SYT16: variants seen among roughly 807,000 people sequenced by gnomAD.
SYT16 encodes synaptotagmin-16.
A neutral mutation model predicts 61.4 loss-of-function variants in SYT16; 42 were observed. The observed-to-expected ratio is 0.68, with a 90% confidence interval of 0.53 to 0.89. The LOEUF (loss-of-function observed/expected upper bound fraction) is 0.89. SYT16 is among the 40% of genes least tolerant of loss of function. The pLI, the probability that SYT16 is intolerant of heterozygous loss-of-function variation, is 0.00. For synonymous variants in SYT16, 314 were observed against 302.3 expected (o/e 1.04, Z -0.40); for missense variants, 804 against 807.3 (o/e 1.00, Z 0.05).
Position 62,050,592 on chromosome 14 carries a change from T to C in SYT16, c.524-19011T>C, listed in dbSNP as rs371021277. Among the ~76,000 whole-genome samples, 61 of 152,296 alleles carry C rather than the reference T, an allele frequency of 4.0e-4. 1 individual carries two copies. In the East Asian group the frequency reaches 0.011, roughly 26 times the overall value. On this transcript the variant is annotated intron_variant, in intron 3 of 7. Coordinates refer to ENST00000683842, the MANE Select transcript of SYT16 (RefSeq NM_001367656.1). ...GTTTTTCTGCTCCGTTTTTCCCCCA[T>C]CTTTGTGGTTTTATCTACCTTTGGT... is the stretch of plus-strand genomic sequence containing the variant.
Position 62,100,600 on chromosome 14 carries a change from G to A in SYT16, c.1831G>A (p.Ala611Thr). 2 of 1,613,790 alleles carry A rather than the reference G, an allele frequency of 1.2e-6. No homozygotes were observed. The highest frequency in any genetic ancestry group is 1.7e-6 in the Non-Finnish European group (2 of 1,179,808). ...GCGTAAAGAGATGATTGGCTGGATT[G>A]CCCTGGGCCAGAACAGCAGTGGAGA... ...MKRKEMIGWI[A>T]LGQNSSGEEE... Residue 611 changes from alanine (A) to threonine (T), a missense_variant, in exon 8 of 8, where the codon GCC becomes ACC. Physicochemically the swap from Ala to Thr is moderately conservative, Grantham distance 58. Coordinates refer to ENST00000683842, the MANE Select transcript of SYT16 (RefSeq NM_001367656.1).
At chr14:61,901,739 CTTATAA>C (rs1293249246) in intron 1 of SYT16, among the ~76,000 whole-genome samples, 1 of 143,512 alleles carries the variant, frequency 7.0e-6, no homozygotes. Flanking sequence ...TGTTCATCTG[CTTATAA>C]TAATAATAAT....
intron 7 of SYT16, among the ~76,000 whole-genome samples, chr14:62,085,332 T>A (rs2056849712): frequency 6.6e-6 from 1 of 152,226 alleles, no homozygotes; most frequent in Non-Finnish European, 1.5e-5. Context: ...TTAATTTGGA[T>A]CTGGAATGCT....
chr14:61,865,792 G>A (rs1246172921), intron 1 of SYT16, among the ~76,000 whole-genome samples: 1 of 152,048 alleles, frequency 6.6e-6, no homozygotes, highest in Admixed American at 6.6e-5. Flanking sequence ...GAACATGTGA[G>A]ATGTAATGTG....
chr14:62,018,205 G>C (rs2053768892), intron 3 of SYT16, among the ~76,000 whole-genome samples: 2 of 150,936 alleles, frequency 1.3e-5, no homozygotes, highest in South Asian at 4.2e-4. Flanking sequence ...ATCTAGCTCT[G>C]TTGCCTCTCT....
chr14:61,907,897 G>A (rs1240024590), intron 1 of SYT16, among the ~76,000 whole-genome samples: 4 of 152,136 alleles, frequency 2.6e-5, no homozygotes, highest in Non-Finnish European at 2.9e-5. Context: ...AGCTTACGTC[G>A]TGTTCCTACA....
At chr14:61,888,939 G>T (rs923119922) in intron 1 of SYT16, among the ~76,000 whole-genome samples, 2 of 152,168 alleles carry the variant, frequency 1.3e-5, no homozygotes, top group Non-Finnish European at 2.9e-5. Flanking sequence ...GTTTTGCGCT[G>T]GTATTGGTAC....
At chr14:61,938,617 G>A (rs2050083930) in intron 1 of SYT16, among the ~76,000 whole-genome samples, 1 of 152,156 alleles carries the variant, frequency 6.6e-6, no homozygotes, top group African/African-American at 2.4e-5. Context: ...TAAGAGACAA[G>A]CAAAAGGATT....
At chr14:61,914,815 T>C (rs2140390295) in intron 1 of SYT16, among the ~76,000 whole-genome samples, 1 of 152,342 alleles carries the variant, frequency 6.6e-6, no homozygotes, top group African/African-American at 2.4e-5. Flanking sequence ...GCCTTGCCCC[T>C]TTTAGCCTGT....
chr14:62,083,087 A>G (rs1162557222), intron 6 of SYT16, among the ~76,000 whole-genome samples: 1 of 152,174 alleles, frequency 6.6e-6, no homozygotes, highest in Admixed American at 6.5e-5. Flanking sequence ...CAGGGTCTGT[A>G]AGACATCTAT....
intron 1 of SYT16, among the ~76,000 whole-genome samples, chr14:61,864,522 TATG>T (rs2047071388): frequency 6.6e-6 from 1 of 152,234 alleles, no homozygotes; most frequent in Admixed American, 6.5e-5. Context: ...CCTTGTGGAT[TATG>T]ATGTGGTAGA....
intron 1 of SYT16, among the ~76,000 whole-genome samples, chr14:61,816,635 AT>A (rs1413491585): frequency 1.3e-5 from 2 of 152,172 alleles, no homozygotes; most frequent in Non-Finnish European, 2.9e-5. Context: ...AATTATTTAC[AT>A]TGTTAAAGAA....
chr14:61,996,233 C>G lies in SYT16; in HGVS notation c.214C>G (p.Gln72Glu). ...IQETYFEDEE[Q>E]DNDWSQEDAN... The stretch of plus-strand genomic sequence containing the variant: ...GGAAACGTACTTTGAAGATGAAGAA[C>G]AAGACAATGATTGGAGTCAAGAGGA... Residue 72 changes from glutamine to glutamate, a missense_variant, in exon 3 of 8, where the codon CAA becomes GAA. Coordinates refer to ENST00000683842, the MANE Select transcript of SYT16 (RefSeq NM_001367656.1). The G allele has an allele frequency of 6.2e-7, 1 of 1,613,530 alleles. No individual in the cohort carries two copies. Among genetic ancestry groups the G allele is most frequent in the East Asian group, 2.2e-5 (1 of 44,858 alleles).
chr14:61,934,983 A>C (rs1474713794), intron 1 of SYT16, among the ~76,000 whole-genome samples: 1 of 152,154 alleles, frequency 6.6e-6, no homozygotes, highest in Non-Finnish European at 1.5e-5. Context: ...TTTTATTTTC[A>C]AAATTTATTT....
At chr14:62,042,452 A>G (rs1427838088) in intron 3 of SYT16, among the ~76,000 whole-genome samples, 1 of 152,202 alleles carries the variant, frequency 6.6e-6, no homozygotes. Flanking sequence ...TTTGTTAGGA[A>G]GGGCTAAAGC....
intron 3 of SYT16, among the ~76,000 whole-genome samples, chr14:62,066,458 G>A (rs1007477126): frequency 4.6e-5 from 7 of 152,224 alleles, no homozygotes; most frequent in African/African-American, 1.7e-4. Context: ...CACATAATGA[G>A]CACTCAGTAA....
intron 3 of SYT16, among the ~76,000 whole-genome samples, chr14:62,006,943 C>T (rs1035906413): frequency 2.0e-4 from 30 of 152,060 alleles, no homozygotes; most frequent in African/African-American, 6.3e-4. Context: ...GAAACAATCT[C>T]GGAACGTACT....
intron 2 of SYT16, among the ~76,000 whole-genome samples, chr14:61,973,613 A>T (rs1450036495): frequency 6.6e-6 from 1 of 152,156 alleles, no homozygotes; most frequent in African/African-American, 2.4e-5. Context: ...CTTTGAGAGA[A>T]GGCGGGAGAG....
At chr14:62,036,278 G>A (rs1166969953) in intron 3 of SYT16, among the ~76,000 whole-genome samples, 3 of 152,076 alleles carry the variant, frequency 2.0e-5, no homozygotes, top group African/African-American at 4.8e-5. Context: ...AGAAACGTGA[G>A]GATCTGAAAA....
Sources: allele counts gnomAD v4.1 joint callset (sites outside exome capture counted in the v4.1 genomes callset), GRCh38; gene constraint gnomAD v4.1.1; transcripts MANE v1.5; gene names NCBI Gene and HGNC (gene_info 2026-07-23, HGNC 2026-07-21).